Variants in TRDN observed in about 807,000 individuals in gnomAD.
The protein encoded by TRDN is triadin.
In TRDN, 161 loss-of-function variants were observed where a neutral mutation model predicts 149.7. That is an observed-to-expected ratio of 1.08 (90% CI 0.95 to 1.23). The LOEUF is 1.23. TRDN is among the 50% of genes most tolerant of loss of function. The pLI, the probability that TRDN is intolerant of heterozygous loss-of-function variation, is 0.00. For synonymous variants in TRDN, 294 were observed against 250.5 expected, an observed-to-expected ratio of 1.17 and a Z score of -1.64; for missense variants, 896 against 823.5, an observed-to-expected ratio of 1.09 and a Z score of -1.08.
intron 33 of TRDN, among the ~76,000 whole-genome samples, chr6:123,264,676 AGTC>A (rs1776879497): frequency 2.0e-3 from 8 of 3,980 alleles, no homozygotes; most frequent in African/African-American, 5.3e-3. Context: ...ATCTTTTGTC[AGTC>A]AATCAATGTA....
chr6:123,485,257 A>T (rs546799050), intron 9 of TRDN, among the ~76,000 whole-genome samples: 21 of 152,216 alleles, frequency 1.4e-4, no homozygotes, highest in African/African-American at 5.1e-4. Flanking sequence ...GTTAATTCTG[A>T]GCTTCTGTCT....
chr6:123,591,399 C>T (rs962294856), intron 1 of TRDN, among the ~76,000 whole-genome samples: 6 of 152,134 alleles, frequency 3.9e-5, no homozygotes, highest in Non-Finnish European at 7.3e-5. Flanking sequence ...GCATGCCCCA[C>T]CACGCCCAGC....
intron 37 of TRDN, among the ~76,000 whole-genome samples, chr6:123,254,634 T>C (rs1053241540): frequency 2.0e-5 from 3 of 152,038 alleles, no homozygotes; most frequent in East Asian, 1.9e-4. Flanking sequence ...GCATTGTGCA[T>C]GCTGGCATTT....
intron 2 of TRDN, among the ~76,000 whole-genome samples, chr6:123,552,234 C>A (rs945293016): frequency 2.0e-5 from 3 of 152,074 alleles, no homozygotes; most frequent in African/African-American, 7.2e-5. Context: ...TAATTGGATT[C>A]TTGGCACTGA....
chr6:123,354,704 T>A (rs1780592886), intron 20 of TRDN, among the ~76,000 whole-genome samples: 1 of 151,656 alleles, frequency 6.6e-6, no homozygotes, highest in Non-Finnish European at 1.5e-5. Context: ...ATAGAATTCA[T>A]CTTAACATAC....
intron 9 of TRDN, among the ~76,000 whole-genome samples, chr6:123,490,871 G>A (rs920988567): frequency 3.3e-5 from 5 of 152,158 alleles, no homozygotes; most frequent in African/African-American, 4.8e-5. Context: ...TTGAGAGGCC[G>A]AGGTGGGCGG....
intron 20 of TRDN, among the ~76,000 whole-genome samples, chr6:123,354,774 G>T (rs1019435442): frequency 2.0e-5 from 3 of 151,678 alleles, no homozygotes; most frequent in Non-Finnish European, 4.4e-5. Flanking sequence ...GATATTTGAA[G>T]AGATAATAGC....
chr6:123,503,945 A>T (rs1226828148), intron 7 of TRDN, 44 bp from the exon 8 acceptor site: 2 of 1,507,252 alleles, frequency 1.3e-6, no homozygotes, highest in East Asian at 4.9e-5. Context: ...GTTTATTTAC[A>T]AACATAATGT....
intron 24 of TRDN, among the ~76,000 whole-genome samples, chr6:123,301,355 C>G (rs1451044587): frequency 2.6e-5 from 4 of 151,782 alleles, no homozygotes. Context: ...CTTTCACGTC[C>G]TTGAAATCAA....
chr6:123,627,019 C>G (rs1785708786), intron 1 of TRDN, among the ~76,000 whole-genome samples: 1 of 151,832 alleles, frequency 6.6e-6, no homozygotes, highest in Non-Finnish European at 1.5e-5. Context: ...GCCTCCACCA[C>G]CCGGGTTCAA....
In TRDN at chr6:123,435,530, C is replaced by T. The variant is rs1476626282; in HGVS notation, c.1051+2533G>A. Among the ~76,000 whole-genome samples, 3 of 151,526 alleles carry T rather than the reference C, an allele frequency of 2.0e-5. No individual in the cohort carries two copies. The South Asian group carries it at 6.2e-4, about 31-fold the overall frequency. On this transcript the variant is annotated intron_variant, in intron 12 of 40. Transcript: ENST00000334268. ...TCTCTCTCTCTCTCTGACACAGACA[C>T]ACACAAACACAAACACACACACACA...
intron 20 of TRDN, among the ~76,000 whole-genome samples, chr6:123,356,264 T>C (rs1449898765): frequency 6.6e-6 from 1 of 151,546 alleles, no homozygotes; most frequent in Non-Finnish European, 1.5e-5. Context: ...TTTTTGCAGA[T>C]GTTTTATCAG....
intron 26 of TRDN, among the ~76,000 whole-genome samples, chr6:123,276,736 T>A (rs1225272056): frequency 6.6e-6 from 1 of 152,122 alleles, no homozygotes; most frequent in Non-Finnish European, 1.5e-5. Flanking sequence ...AGACGCCCCA[T>A]GAATTGAATG....
intron 2 of TRDN, among the ~76,000 whole-genome samples, chr6:123,570,337 T>C (rs1782501936): frequency 6.6e-6 from 1 of 152,128 alleles, no homozygotes. Flanking sequence ...AATAAATAAA[T>C]ACAGTTTAAA....
intron 24 of TRDN, among the ~76,000 whole-genome samples, chr6:123,285,652 A>G (rs1289268326): frequency 6.6e-6 from 1 of 152,178 alleles, no homozygotes; most frequent in African/African-American, 2.4e-5. Context: ...ACAAGAATCC[A>G]AAAGCAAATG....
intron 8 of TRDN, chr6:123,498,525 T>C (rs750656413): frequency 4.2e-6 from 2 of 470,870 alleles, no homozygotes; most frequent in South Asian, 1.5e-5. Context: ...GGAGCACATT[T>C]TCCCACAGGA....
chr6:123,265,352 A>C lies in TRDN; in HGVS notation c.1784-14T>G, dbSNP rs1669722882. ...GTTTTGGTTTGTCTAAAAAGGAAAA[A>C]AGAAAAAAAAAGAAAATGAGTGATA... On this transcript the variant is annotated splice_polypyrimidine_tract_variant and intron_variant, in intron 32 of 40. Coordinates refer to ENST00000334268, the MANE Select transcript of TRDN (RefSeq NM_006073.4). 7.2e-7 allele frequency: 1 copy of C among 1,396,602 alleles called. No individual in the cohort carries two copies. The highest frequency in any genetic ancestry group is 1.4e-5 in the South Asian group (1 of 73,518). 86.5% of individuals were successfully genotyped at this position (1,396,602 alleles called of 1,614,324 possible).
chr6:123,322,512 A>G (rs1779277769), intron 23 of TRDN, among the ~76,000 whole-genome samples: 1 of 152,014 alleles, frequency 6.6e-6, no homozygotes, highest in Non-Finnish European at 1.5e-5. Context: ...TAATATTGAA[A>G]TAACAGATCT....
intron 4 of TRDN, among the ~76,000 whole-genome samples, chr6:123,538,423 G>T (rs117685521): frequency 2.6e-5 from 4 of 151,978 alleles, no homozygotes; most frequent in Non-Finnish European, 5.9e-5. Context: ...CAGATTATCC[G>T]TAAATATCTG....
Sources: allele counts gnomAD v4.1 joint callset (sites outside exome capture counted in the v4.1 genomes callset), GRCh38; gene constraint gnomAD v4.1.1; transcripts MANE v1.5; gene names NCBI Gene and HGNC (gene_info 2026-07-23, HGNC 2026-07-21).